TASP1: variants seen among roughly 807,000 people sequenced by gnomAD.
TASP1 encodes threonine aspartase 1.
A neutral mutation model predicts 56.6 loss-of-function variants in TASP1; 16 were observed. That is an observed-to-expected ratio of 0.28 (90% confidence interval 0.19 to 0.43). TASP1 has a LOEUF of 0.43. Ranked by LOEUF, TASP1 falls within the 20% of genes least tolerant of loss-of-function variation. The pLI, the probability that TASP1 is intolerant of heterozygous loss-of-function variation, is 1.00. For synonymous variants in TASP1, 179 were observed against 184.2 expected (o/e 0.97, Z 0.23); for missense variants, 393 against 511.6 (o/e 0.77, Z 2.24).
the TASP1 span, among the ~76,000 whole-genome samples, chr20:13,292,666 T>G: frequency 6.6e-6 from 1 of 152,124 alleles, no homozygotes; most frequent in Non-Finnish European, 1.5e-5. Context: ...ACCGAGCGCT[T>G]CTGTGTTCAC....
chr20:13,469,710 A>G (rs1181126702), intron 11 of TASP1, among the ~76,000 whole-genome samples: 3 of 151,576 alleles, frequency 2.0e-5, no homozygotes, highest in African/African-American at 7.3e-5. Context: ...GTACTGAAAA[A>G]ATCAAATTTA....
the TASP1 span, among the ~76,000 whole-genome samples, chr20:13,109,450 G>A: frequency 1.3e-5 from 2 of 152,190 alleles, no homozygotes; most frequent in South Asian, 4.1e-4. Flanking sequence ...CCACAGAATG[G>A]AAATGCTACT....
intron 1 of TASP1, among the ~76,000 whole-genome samples, chr20:13,634,385 AG>A (rs1219322224): frequency 6.6e-6 from 1 of 152,186 alleles, no homozygotes; most frequent in Non-Finnish European, 1.5e-5. Context: ...GATGGAAGGT[AG>A]GGTGATGGAG....
the TASP1 span, chr20:13,221,873 C>A: frequency 7.1e-7 from 1 of 1,414,566 alleles, no homozygotes; most frequent in Non-Finnish European, 9.2e-7. Context: ...CGCCGACGGG[C>A]CCGACGCGGC....
At chr20:13,489,119 T>C (rs150179530) in intron 10 of TASP1, among the ~76,000 whole-genome samples, 2 of 152,194 alleles carry the variant, frequency 1.3e-5, no homozygotes, top group African/African-American at 4.8e-5. Context: ...CTTCACACAC[T>C]CACTCAAACC....
At chr20:13,259,161 T>A in the TASP1 span, among the ~76,000 whole-genome samples, 1 of 151,934 alleles carries the variant, frequency 6.6e-6, no homozygotes, top group Admixed American at 6.6e-5. Context: ...TATGCGCCTG[T>A]AGTCCCAGTC....
intron 10 of TASP1, among the ~76,000 whole-genome samples, chr20:13,515,530 C>A (rs577275009): frequency 7.0e-6 from 1 of 143,470 alleles, no homozygotes; most frequent in Non-Finnish European, 1.5e-5. Flanking sequence ...ACAAGATCCC[C>A]AAGGTGATTC....
chr20:13,267,909 C>G, the TASP1 span, among the ~76,000 whole-genome samples: 1 of 152,090 alleles, frequency 6.6e-6, no homozygotes, highest in Non-Finnish European at 1.5e-5. Flanking sequence ...AATTCTGGGC[C>G]CCTTCCAAGA....
At chr20:13,517,699 GATATATCA>G (rs1276661190) in intron 10 of TASP1, among the ~76,000 whole-genome samples, 1 of 152,054 alleles carries the variant, frequency 6.6e-6, no homozygotes, top group Non-Finnish European at 1.5e-5. Flanking sequence ...AAATCTCTAA[GATATATCA>G]ATTGCTGTCA....
chr20:13,520,717 G>A (rs180954974), intron 10 of TASP1, among the ~76,000 whole-genome samples: 2 of 152,108 alleles, frequency 1.3e-5, no homozygotes, highest in African/African-American at 4.8e-5. Flanking sequence ...GCAAGGGCAA[G>A]GACTTCATGT....
the TASP1 span, among the ~76,000 whole-genome samples, chr20:13,106,767 C>T: frequency 2.6e-5 from 4 of 152,172 alleles, no homozygotes; most frequent in African/African-American, 4.8e-5. Flanking sequence ...GGGGGCTAGC[C>T]TGGGCATTTT....
At chr20:13,212,760 G>A in the TASP1 span, among the ~76,000 whole-genome samples, 5 of 152,256 alleles carry the variant, frequency 3.3e-5, no homozygotes, top group East Asian at 5.8e-4. Flanking sequence ...TAACAACCAC[G>A]CTAAATTTGC....
chr20:13,264,231 T>C, the TASP1 span, among the ~76,000 whole-genome samples: 2 of 152,208 alleles, frequency 1.3e-5, no homozygotes, highest in Admixed American at 6.5e-5. Context: ...GTCTGCCTGA[T>C]TGTGTTAATC....
the TASP1 span, among the ~76,000 whole-genome samples, chr20:13,153,165 C>A: frequency 6.6e-6 from 1 of 152,208 alleles, no homozygotes; most frequent in East Asian, 1.9e-4. Context: ...CTAGCTTTGG[C>A]TGGCTTACTT....
At chr20:13,424,122 C>T (rs1464988963) in intron 12 of TASP1, among the ~76,000 whole-genome samples, 2 of 152,142 alleles carry the variant, frequency 1.3e-5, no homozygotes, top group Non-Finnish European at 2.9e-5. Context: ...CCTCAAGCTG[C>T]TTTTCCATCA....
chr20:13,479,640 G>A (rs897311509), intron 11 of TASP1, among the ~76,000 whole-genome samples: 9 of 151,832 alleles, frequency 5.9e-5, no homozygotes, highest in Non-Finnish European at 1.3e-4. Flanking sequence ...GATTACAGGC[G>A]CTGGCCACCA....
the TASP1 span, among the ~76,000 whole-genome samples, chr20:13,348,542 T>C: frequency 1.3e-5 from 2 of 152,234 alleles, no homozygotes; most frequent in African/African-American, 4.8e-5. Context: ...CCTAGAGACC[T>C]AGCCTAGTGG....
At chr20:13,436,579 G>A (rs988352346) in intron 11 of TASP1, among the ~76,000 whole-genome samples, 12 of 152,284 alleles carry the variant, frequency 7.9e-5, no homozygotes, top group African/African-American at 2.9e-4. Context: ...GTGAACTAGA[G>A]AGTTGAGACT....
At chr20:13,622,030 C>A (rs1483828341) in intron 4 of TASP1, among the ~76,000 whole-genome samples, 2 of 152,168 alleles carry the variant, frequency 1.3e-5, no homozygotes, top group Non-Finnish European at 1.5e-5. Context: ...CTCTTATCCT[C>A]AACATATAAT....
Sources: gnomAD v4.1 joint callset for allele counts (sites outside exome capture counted in the v4.1 genomes callset) on GRCh38, gnomAD v4.1.1 for gene constraint, MANE v1.5 for transcripts, NCBI Gene and HGNC (gene_info 2026-07-23, HGNC 2026-07-21) for gene names.